Variants in XRCC1 observed in about 807,000 individuals in gnomAD.
XRCC1 encodes the protein X-ray repair cross complementing 1.
In XRCC1, 52 loss-of-function variants were observed where a neutral mutation model predicts 83.3. The ratio of observed to expected loss-of-function variants is 0.62; its 90% confidence interval spans 0.50 to 0.79. XRCC1 has a LOEUF of 0.79. Among genes scored for constraint, XRCC1 ranks in the 30% least tolerant of loss-of-function variants. The pLI is 0.00. For missense variants in XRCC1, 793 were observed against 823.5 expected (o/e 0.96, Z 0.45); for synonymous variants, 281 against 312.6 (o/e 0.90, Z 1.07).
At chr19:43,551,927 A>G (rs1322956051) in intron 9 of XRCC1, 90 bp downstream of exon 9, 18 of 1,387,280 alleles carry the variant, frequency 1.3e-5, no homozygotes, top group Non-Finnish European at 1.4e-5. Flanking sequence ...AGCATGCAGC[A>G]TAGTGGACAC....
At chr19:43,551,920 A>T in intron 9 of XRCC1, 97 bp downstream of exon 9, 2 of 1,341,438 alleles carry the variant, frequency 1.5e-6, no homozygotes, top group Admixed American at 1.8e-5. Context: ...GAGAGAAAGC[A>T]TGCAGCATAG....
intron 10 of XRCC1, among the ~76,000 whole-genome samples, chr19:43,547,223 C>T (rs995982850): frequency 6.6e-6 from 1 of 151,322 alleles, no homozygotes; most frequent in Non-Finnish European, 1.5e-5. Flanking sequence ...GAGTCCATTC[C>T]ATCGCCAGGC....
chr19:43,560,968 GC>G lies in XRCC1; in HGVS notation c.196del (p.Ala66LeufsTer79), dbSNP rs1238159513. 1 of 1,614,060 alleles carries G rather than the reference GC, an allele frequency of 6.2e-7. No homozygotes were observed. Among genetic ancestry groups the G allele is most frequent in the African/African-American group, 1.3e-5 (1 of 74,932 alleles). ...HSVDIGNDGS[A>X]FVEVLVGSSA... ...ACTGCCCACCAGCACCTCCACGAAAGCTGAGCCATCATTCCCAATGTCCACA... is the reference window on the plus strand; with the variant it reads ...ACTGCCCACCAGCACCTCCACGAAAGTGAGCCATCATTCCCAATGTCCACA... On this transcript the variant is annotated frameshift_variant, in exon 3 of 17. Coordinates refer to ENST00000262887, the MANE Select transcript of XRCC1 (RefSeq NM_006297.3). LOFTEE classifies it high-confidence loss of function.
intron 3 of XRCC1, chr19:43,555,461 T>G (rs1348956260): frequency 6.6e-6 from 1 of 152,224 alleles, no homozygotes; most frequent in African/African-American, 2.4e-5. Flanking sequence ...CAGTTAAGCT[T>G]CTGCTGCTGC....
rs1324566051 is a variant in XRCC1, at chr19:43,545,819, T to G, written c.1620A>C (p.Pro540=). The change falls in exon 14 of 17, where the codon CCA becomes CCC. Residue 540 remains proline, a splice_region_variant and synonymous_variant. Transcript: ENST00000262887. ...EPPDLPVPEL[P]DFFQGKHFFL... ...AGGAGGGATGGGGGGATTTCCCACCTGGGAGCTCAGGGACTGGCAGATCAG... is the reference window on the plus strand; with the variant it reads ...AGGAGGGATGGGGGGATTTCCCACCGGGGAGCTCAGGGACTGGCAGATCAG... 2 of 1,613,630 alleles carry G rather than the reference T, an allele frequency of 1.2e-6. No homozygotes were observed. Among genetic ancestry groups the G allele is most frequent in the South Asian group, 1.1e-5 (1 of 91,064 alleles).
In XRCC1 at chr19:43,568,672, T is replaced by C. The variant is rs1243158231; in HGVS notation, c.144+6238A>G. On this transcript the variant is annotated intron_variant, in intron 2 of 16. Coordinates refer to ENST00000262887, the MANE Select transcript of XRCC1 (RefSeq NM_006297.3). ...GGCGGTAGGTATATATGCTTGTATG[T>C]GTACAGAATGACCCAGGAAGACCAC... Among the ~76,000 whole-genome samples, 4 of 151,268 alleles carry C rather than the reference T, an allele frequency of 2.6e-5. No individual in the cohort carries two copies. In the Admixed American group the frequency reaches 2.7e-4, roughly 10 times the overall value.
At chr19:43,573,474 G>A (rs1404134635) in intron 2 of XRCC1, among the ~76,000 whole-genome samples, 1 of 152,190 alleles carries the variant, frequency 6.6e-6, no homozygotes, top group Non-Finnish European at 1.5e-5. Flanking sequence ...CCTCCAGTGG[G>A]AGGGAGAGGA....
chr19:43,550,355 A>G (rs1233126998), intron 10 of XRCC1, among the ~76,000 whole-genome samples: 4 of 152,150 alleles, frequency 2.6e-5, no homozygotes, highest in Admixed American at 2.0e-4. Context: ...TTTGTGCTGA[A>G]CCTAGAAAAG....
intron 2 of XRCC1, among the ~76,000 whole-genome samples, chr19:43,569,942 A>T (rs1383255324): frequency 6.6e-6 from 1 of 152,238 alleles, no homozygotes; most frequent in African/African-American, 2.4e-5. Flanking sequence ...TGCTGTTAAC[A>T]ATCAGGACAG....
intron 2 of XRCC1, among the ~76,000 whole-genome samples, chr19:43,563,459 C>T (rs1161503424): frequency 1.3e-5 from 2 of 152,204 alleles, no homozygotes; most frequent in Non-Finnish European, 2.9e-5. Flanking sequence ...TGCCACTGCA[C>T]TCCAGCTTGG....
rs1402607735 is a variant in XRCC1 at position 43,575,436 on chromosome 19, T to C, written c.23A>G (p.His8Arg). 3 of 1,611,246 alleles carry C rather than the reference T, an allele frequency of 1.9e-6. No individual in the cohort carries two copies. Among genetic ancestry groups the C allele is most frequent in the Non-Finnish European group, 2.5e-6 (3 of 1,178,146 alleles). MPEIRLR[H>R]VVSCSSQDST... ...GTCCTGGCTGCTGCAGGACACGACA[T>C]GGCGGAGGCGGATCTCCGGCATGTC... Residue 8 changes from histidine (H) to arginine (R), a missense_variant, in exon 1 of 17, where the codon CAT becomes CGT. Physicochemically the swap from His to Arg is conservative, Grantham distance 29. Coordinates refer to ENST00000262887, the MANE Select transcript of XRCC1 (RefSeq NM_006297.3).
chr19:43,559,235 G>T (rs1032973135), intron 3 of XRCC1, among the ~76,000 whole-genome samples: 12 of 151,792 alleles, frequency 7.9e-5, no homozygotes, highest in African/African-American at 2.7e-4. Flanking sequence ...TGTAATCCCA[G>T]CACTTTGGGA....
At chr19:43,557,031 G>T (rs999230799) in intron 3 of XRCC1, among the ~76,000 whole-genome samples, 9 of 150,746 alleles carry the variant, frequency 6.0e-5, no homozygotes, top group Non-Finnish European at 1.3e-4. Context: ...CAAAAAGACT[G>T]GGCACAGTGG....
chr19:43,570,651 G>A (rs3213271), intron 2 of XRCC1, among the ~76,000 whole-genome samples: 15,649 of 152,148 alleles, frequency 0.1, 954 homozygotes, highest in Admixed American at 0.15. Context: ...TGGGCCTGGC[G>A]GCACACGCCT....
At chr19:43,551,857 CAG>C (rs138896041) in intron 9 of XRCC1, among the ~76,000 whole-genome samples, 158 bp downstream of exon 9, 2 of 152,078 alleles carry the variant, frequency 1.3e-5, no homozygotes, top group African/African-American at 4.8e-5. Context: ...ATGCAAAAAT[CAG>C]AGAGAAGACA....
intron 14 of XRCC1, among the ~76,000 whole-genome samples, 173 bp downstream of exon 14, chr19:43,545,645 G>A (rs1454068074): frequency 6.6e-6 from 1 of 152,224 alleles, no homozygotes; most frequent in African/African-American, 2.4e-5. Context: ...ATGCTGAAAG[G>A]AAAGGAACAA....
chr19:43,553,698 G>T lies in XRCC1; in HGVS notation c.415-15C>A. 1 of 1,523,928 alleles carries T rather than the reference G, an allele frequency of 6.6e-7. No homozygotes were observed. Among genetic ancestry groups the T allele is most frequent in the Non-Finnish European group, 8.8e-7 (1 of 1,131,516 alleles). The allele number at this position is 1,523,928 out of a possible 1,614,324, so 94.4% of individuals were successfully genotyped here. On this transcript the variant is annotated splice_polypyrimidine_tract_variant and intron_variant, in intron 4 of 16. Coordinates refer to ENST00000262887, the MANE Select transcript of XRCC1 (RefSeq NM_006297.3). ...AAGGGGGAGTCCTGGGAAAGGAGGGGTGGGAGTCAGGGAGTCTGGCCCAAG... is the reference window on the plus strand; with the variant it reads ...AAGGGGGAGTCCTGGGAAAGGAGGGTTGGGAGTCAGGGAGTCTGGCCCAAG...
rs1261824822 is a variant in XRCC1 at position 43,555,061 on chromosome 19, T to C, written c.256-257A>G. 180 of 325,830 alleles carry C rather than the reference T, an allele frequency of 5.5e-4. 1 individual carries two copies. Among genetic ancestry groups the C allele is most frequent in the Admixed American group, 4.8e-5 (1 of 20,710 alleles). The allele number at this position is 325,830 out of a possible 1,614,324, so 20.2% of individuals were successfully genotyped here. ...AAATTCTCCCATGGAGTCTTCCATA[T>C]CTGGCAATACAGCGGGCTACATGTC... On this transcript the variant is annotated intron_variant, in intron 3 of 16. Transcript: ENST00000262887.
intron 15 of XRCC1, 128 bp downstream of exon 15, chr19:43,544,016 C>G (rs1291933829): frequency 6.4e-6 from 6 of 944,190 alleles, no homozygotes; most frequent in Non-Finnish European, 9.5e-6. Context: ...CTGTGCCCAC[C>G]TGCTGGGCAT....
Sources: allele counts gnomAD v4.1 joint callset (sites outside exome capture counted in the v4.1 genomes callset), GRCh38; gene constraint gnomAD v4.1.1; transcripts MANE v1.5; gene names NCBI Gene and HGNC (gene_info 2026-07-23, HGNC 2026-07-21).